BRCA1: variants seen among roughly 807,000 people sequenced by gnomAD.
The protein encoded by BRCA1 is BRCA1 DNA repair associated.
In BRCA1, 140 loss-of-function variants were observed where a neutral mutation model predicts 173.7. The ratio of observed to expected loss-of-function variants is 0.81; its 90% CI spans 0.70 to 0.93. The LOEUF is 0.93. Ranked by LOEUF, BRCA1 falls within the 40% of genes least tolerant of loss-of-function variation. The pLI, the probability that BRCA1 is intolerant of heterozygous loss-of-function variation, is 0.00. For missense variants in BRCA1, 1,983 were observed against 2,172.5 expected, an observed-to-expected ratio of 0.91 and a Z score of 1.73; for synonymous variants, 662 against 756.0, an observed-to-expected ratio of 0.88 and a Z score of 2.04.
chr17:43,126,662 C>A (rs1246409398), upstream of BRCA1, among the ~76,000 whole-genome samples: 2 of 152,260 alleles, frequency 1.3e-5, no homozygotes, highest in African/African-American at 4.8e-5. Context: ...GTCTGTGGTT[C>A]AGAATGCGAG....
chr17:43,062,640 C>G (rs1001267554), intron 18 of BRCA1, among the ~76,000 whole-genome samples: 3 of 152,042 alleles, frequency 2.0e-5, no homozygotes, highest in African/African-American at 7.2e-5. Context: ...GCTCTGTTGC[C>G]AGGTTGGAGT....
At chr17:43,081,327 G>A (rs2052995290) in intron 12 of BRCA1, among the ~76,000 whole-genome samples, 2 of 152,242 alleles carry the variant, frequency 1.3e-5, no homozygotes, top group South Asian at 4.1e-4. Flanking sequence ...TAGCAACAGA[G>A]TTTCTAGCTA....
At chr17:43,128,427 T>A (rs2055935294), upstream of BRCA1, among the ~76,000 whole-genome samples, 1 of 152,070 alleles carries the variant, frequency 6.6e-6, no homozygotes, top group African/African-American at 2.4e-5. Context: ...TCTGGACACA[T>A]CATCTTTAAG....
chr17:43,045,928 T>A (rs968935960), intron 22 of BRCA1, 126 bp from the exon 23 acceptor site: 14 of 1,292,784 alleles, frequency 1.1e-5, no homozygotes, highest in Non-Finnish European at 1.5e-5. Context: ...GCTAATTTTT[T>A]TTTTTTTTTT....
intron 21 of BRCA1, 77 bp downstream of exon 21, chr17:43,049,044 G>T: frequency 7.2e-7 from 1 of 1,381,406 alleles, no homozygotes; most frequent in South Asian, 1.2e-5. Context: ...GGCATCCATA[G>T]GGACTGACAG....
intron 18 of BRCA1, among the ~76,000 whole-genome samples, chr17:43,058,389 C>T (rs531666844): frequency 2.6e-5 from 4 of 152,104 alleles, no homozygotes; most frequent in African/African-American, 9.6e-5. Context: ...AACACACACA[C>T]ACACACACAT....
chr17:43,104,408 A>G, intron 5 of BRCA1, 147 bp from the exon 6 acceptor site: 1 of 946,618 alleles, frequency 1.1e-6, no homozygotes, highest in African/African-American at 1.7e-5. Flanking sequence ...TTAAAAATCA[A>G]ATTTTAAAAA....
At chr17:43,095,703 T>G in intron 9 of BRCA1, 143 bp downstream of exon 9, 1 of 741,146 alleles carries the variant, frequency 1.3e-6, no homozygotes, top group Non-Finnish European at 2.4e-6. Flanking sequence ...CCACGACATT[T>G]GACAGAGAAT....
chr17:43,099,917 G>A (rs1200121055), intron 6 of BRCA1, 37 bp from the exon 7 acceptor site: 5 of 1,485,964 alleles, frequency 3.4e-6, no homozygotes, highest in Non-Finnish European at 4.7e-6. Context: ...AGCAATTGTT[G>A]GCCAGTTCTG....
intron 1 of BRCA1, among the ~76,000 whole-genome samples, chr17:43,140,722 G>A (rs11658754): frequency 0.32 from 48,125 of 151,882 alleles, 7,962 homozygotes; most frequent in South Asian, 0.49. Context: ...TCAGATGTCC[G>A]GCCCTCTCCC....
intron 18 of BRCA1, among the ~76,000 whole-genome samples, chr17:43,061,013 C>CCTGTAA (rs2051725343): frequency 6.6e-6 from 1 of 152,046 alleles, no homozygotes; most frequent in African/African-American, 2.4e-5. Flanking sequence ...GTAATACCAG[C>CCTGTAA]TACTCAGGAG....
At chr17:43,065,462 A>G (rs1348956282) in intron 16 of BRCA1, among the ~76,000 whole-genome samples, 1 of 152,136 alleles carries the variant, frequency 6.6e-6, no homozygotes, top group Non-Finnish European at 1.5e-5. Context: ...TGAGGTCGGG[A>G]GTCCAAGACC....
Position 43,045,001 on chromosome 17 carries a change from A to G in BRCA1, c.*677T>C. On this transcript the variant is annotated 3_prime_UTR_variant, in exon 23 of 23. Coordinates refer to ENST00000357654, the MANE Select transcript of BRCA1 (RefSeq NM_007294.4). The stretch of plus-strand genomic sequence containing the variant: ...GTATTTTTAGTAGAGATGGGGTTTC[A>G]CCATGTTGGCCAGGCTGGTTTCGAA... 1 of 493,562 alleles carries G rather than the reference A, an allele frequency of 2.0e-6. No homozygotes were observed. Among genetic ancestry groups the G allele is most frequent in the Non-Finnish European group, 4.0e-6 (1 of 250,636 alleles). 30.6% of individuals were successfully genotyped at this position (493,562 alleles called of 1,614,324 possible).
intron 9 of BRCA1, among the ~76,000 whole-genome samples, chr17:43,095,191 A>G (rs1297874467): frequency 6.6e-6 from 1 of 152,234 alleles, no homozygotes; most frequent in Non-Finnish European, 1.5e-5. Context: ...ATTACTGGCC[A>G]TTAAGTCTAC....
chr17:43,140,130 G>A (rs780040024), intron 1 of BRCA1: 7 of 326,056 alleles, frequency 2.1e-5, no homozygotes, highest in Non-Finnish European at 3.1e-5. Context: ...TCATGCCTGC[G>A]TGACAAAGCC....
intron 18 of BRCA1, among the ~76,000 whole-genome samples, chr17:43,060,986 T>C (rs1178315800): frequency 6.6e-6 from 1 of 151,850 alleles, no homozygotes; most frequent in Non-Finnish European, 1.5e-5. Flanking sequence ...TAGTCGGGTG[T>C]GGTAGCACGC....
upstream of BRCA1, among the ~76,000 whole-genome samples, chr17:43,127,387 G>A (rs2055917485): frequency 6.6e-6 from 1 of 152,116 alleles, no homozygotes; most frequent in Non-Finnish European, 1.5e-5. Context: ...AGCTAATCTG[G>A]TGGGCACTTG....
intron 1 of BRCA1, chr17:43,139,991 C>T (rs2056063383): frequency 4.2e-6 from 2 of 479,362 alleles, no homozygotes; most frequent in South Asian, 1.5e-5. Context: ...CCTTTGTTCT[C>T]ATGAGGTGAC....
intron 2 of BRCA1, among the ~76,000 whole-genome samples, chr17:43,121,494 G>T (rs1310774724): frequency 6.6e-6 from 1 of 151,986 alleles, no homozygotes; most frequent in East Asian, 1.9e-4. Context: ...AGACCAACCT[G>T]ACCAATATGG....
Sources: gnomAD v4.1 joint callset for allele counts (sites outside exome capture counted in the v4.1 genomes callset) on GRCh38, gnomAD v4.1.1 for gene constraint, MANE v1.5 for transcripts, NCBI Gene and HGNC (gene_info 2026-07-23, HGNC 2026-07-21) for gene names.